Variants in DSP observed in about 807,000 individuals in gnomAD.
DSP encodes the protein desmoplakin.
Under a neutral mutation model 290.6 loss-of-function variants are expected in DSP, and 114 were observed. The ratio of observed to expected loss-of-function variants is 0.39; its 90% CI spans 0.34 to 0.46. The LOEUF is 0.46. Ranked by LOEUF, DSP falls within the 20% of genes least tolerant of loss-of-function variation. The pLI, the probability that DSP is intolerant of heterozygous loss-of-function variation, is 0.99. For synonymous variants in DSP, 1,311 were observed against 1,316.4 expected, an observed-to-expected ratio of 1.00 and a Z score of 0.09; for missense variants, 3,230 against 3,495.8, an observed-to-expected ratio of 0.92 and a Z score of 1.92.
intron 1 of DSP, among the ~76,000 whole-genome samples, chr6:7,549,689 A>G (rs941354093): frequency 2.6e-5 from 4 of 152,220 alleles, no homozygotes; most frequent in African/African-American, 9.6e-5. Flanking sequence ...ACCTGAAAAC[A>G]GAGAGACATA....
intron 23 of DSP, among the ~76,000 whole-genome samples, chr6:7,581,905 C>T (rs760317725): frequency 4.6e-5 from 7 of 152,124 alleles, no homozygotes; most frequent in African/African-American, 1.2e-4. Context: ...CTATGACATA[C>T]ATTTGTAATG....
In DSP at chr6:7,584,397, G is replaced by C; in HGVS notation, c.7135G>C (p.Asp2379His). Residue 2379 changes from aspartate to histidine, a missense_variant, in exon 24 of 24, where the codon GAC becomes CAC. Asp to His is a moderately conservative substitution (Grantham distance 81). Around this residue, in one of 5 missense-constraint regions of DSP, gnomAD observed 207 missense variants for 281.2 expected, o/e 0.74. Coordinates refer to ENST00000379802, the MANE Select transcript of DSP (RefSeq NM_004415.4). The surrounding 1 kb of genome is among the most constrained non-coding windows in gnomAD (Gnocchi z 6.4). ...ACAGATCGCAACCGGGGGGATCATT[G>C]ACCCAAAGGAGAGCCATCGTTTACC... is the stretch of plus-strand genomic sequence containing the variant. ...EAQIATGGII[D>H]PKESHRLPVD... The C allele has an allele frequency of 1.2e-6, 2 of 1,614,074 alleles. No individual in the cohort carries two copies. Among genetic ancestry groups the C allele is most frequent in the Non-Finnish European group, 1.7e-6 (2 of 1,179,972 alleles).
Position 7,567,575 on chromosome 6 carries a change from T to A in DSP, c.1140+126T>A, listed in dbSNP as rs1488260028. On this transcript the variant is annotated intron_variant, in intron 9 of 23. Coordinates refer to ENST00000379802, the MANE Select transcript of DSP (RefSeq NM_004415.4). ...ATAAATCCTCTTCATTGATTTTGAG[T>A]GCAGAGTAGCATAGATTTGCAACCT... 3.5e-6 allele frequency: 4 copies of A among 1,151,672 alleles called. No homozygotes were observed. In the Admixed American group the frequency reaches 5.7e-5, roughly 16 times the overall value. 71.3% of individuals were successfully genotyped at this position (1,151,672 alleles called of 1,614,324 possible).
intron 6 of DSP, 61 bp downstream of exon 6, chr6:7,563,847 A>T: frequency 6.8e-7 from 1 of 1,465,762 alleles, no homozygotes; most frequent in Admixed American, 1.7e-5. Flanking sequence ...AATTCAGTTC[A>T]AGAAATATCA....
In DSP at chr6:7,565,218, C is replaced by T; in HGVS notation, c.778-141C>T. ...TGGGTCTTTTCCCATACCAGGTGGTCAGTGAATGCACAAGGTTAACATTTT... is the reference window on the plus strand; with the variant it reads ...TGGGTCTTTTCCCATACCAGGTGGTTAGTGAATGCACAAGGTTAACATTTT... On this transcript the variant is annotated intron_variant, in intron 6 of 23. Coordinates refer to ENST00000379802, the MANE Select transcript of DSP (RefSeq NM_004415.4). This position sits in a 1 kb window ranked among gnomAD's most constrained non-coding sequence, Gnocchi z 4.2. 1.9e-6 allele frequency: 2 copies of T among 1,073,880 alleles called. No individual in the cohort carries two copies. Among genetic ancestry groups the T allele is most frequent in the African/African-American group, 1.6e-5 (1 of 63,444 alleles). 66.5% of individuals were successfully genotyped at this position (1,073,880 alleles called of 1,614,324 possible). A position where few individuals can be genotyped will look rare whatever the true frequency, so the allele number is the denominator to read the frequency against.
At chr6:7,552,977 T>C (rs1758388405) in intron 1 of DSP, among the ~76,000 whole-genome samples, 1 of 152,254 alleles carries the variant, frequency 6.6e-6, no homozygotes, top group African/African-American at 2.4e-5. Flanking sequence ...TTTAAAAATG[T>C]GTATGTACAC....
intron 15 of DSP, 113 bp downstream of exon 15, chr6:7,572,181 A>T: frequency 1.0e-6 from 1 of 965,350 alleles, no homozygotes; most frequent in Non-Finnish European, 1.6e-6. Context: ...AACTTTCAAG[A>T]AAACAGGCTT....
At chr6:7,578,400 A>G in intron 21 of DSP, 64 bp from the exon 22 acceptor site, 2 of 1,411,412 alleles carry the variant, frequency 1.4e-6, no homozygotes, top group African/African-American at 1.4e-5. Context: ...AAAATCGGTC[A>G]AATTACATAG....
rs369649373 is a variant in DSP, at chr6:7,580,302, A to G, written c.4112A>G (p.Asn1371Ser). 1.9e-6 allele frequency: 3 copies of G among 1,613,930 alleles called. No individual in the cohort carries two copies. Among genetic ancestry groups the G allele is most frequent in the Non-Finnish European group, 2.5e-6 (3 of 1,179,942 alleles). The change falls in exon 23 of 24, where the codon AAC becomes AGC. Residue 1371 changes from asparagine to serine, a missense_variant. By Grantham distance (46) the Asn-to-Ser change is conservative. Around this residue, in one of 5 missense-constraint regions of DSP, gnomAD observed 1,714 missense variants for 1,844.5 expected, o/e 0.93. Transcript: ENST00000379802. This position sits in a 1 kb window ranked among gnomAD's most constrained non-coding sequence, Gnocchi z 4.2. The stretch of plus-strand genomic sequence containing the variant: ...AAAAATCAGTTTGAGACCGAGATCA[A>G]CATCACCAAGACCACCATCCACCAG... ...SLKNQFETEI[N>S]ITKTTIHQLT... is the part of the protein sequence containing the mutation.
chr6:7,585,130 T>C lies in DSP; in HGVS notation c.7868T>C (p.Phe2623Ser). 6.2e-7 allele frequency: 1 copy of C among 1,614,162 alleles called. No individual in the cohort carries two copies. The highest frequency in any genetic ancestry group is 8.5e-7 in the Non-Finnish European group (1 of 1,180,036). ...LEESSPIAAI[F>S]DTENLEKISI... is the part of the protein sequence containing the mutation. The stretch of plus-strand genomic sequence containing the variant: ...GAATCGAGCCCCATTGCAGCCATCT[T>C]TGACACAGAAAACCTGGAGAAAATC... The change falls in exon 24 of 24, where the codon TTT (phenylalanine) becomes TCT (serine). Residue 2623 changes from phenylalanine to serine, a missense_variant. This residue lies in a region of DSP where 582 missense variants were observed against 555.4 expected (regional missense o/e 1.05). Coordinates refer to ENST00000379802, the MANE Select transcript of DSP (RefSeq NM_004415.4).
At chr6:7,564,543 G>C (rs1758800201) in intron 6 of DSP, among the ~76,000 whole-genome samples, 1 of 152,128 alleles carries the variant, frequency 6.6e-6, no homozygotes, top group Non-Finnish European at 1.5e-5. Context: ...CCCCCTTATA[G>C]TCCAAAACTA....
chr6:7,565,866 T>A lies in DSP; in HGVS notation c.939+346T>A, dbSNP rs916758709. ...GAAGGAGGGAGAGGATCAGGCAAGA[T>A]AACTAATGGGTACTAGGCTTAATCG... On this transcript the variant is annotated intron_variant, in intron 7 of 23. Transcript: ENST00000379802. The surrounding 1 kb of genome is among the most constrained non-coding windows in gnomAD (Gnocchi z 4.2). 7.7e-6 allele frequency: 3 copies of A among 389,652 alleles called. No homozygotes were observed. The highest frequency in any genetic ancestry group is 6.2e-5 in the African/African-American group (3 of 48,220). The allele number at this position is 389,652 out of a possible 1,614,324, so 24.1% of individuals were successfully genotyped here.
intron 14 of DSP, 102 bp downstream of exon 14, chr6:7,571,686 A>G (rs757436274): frequency 1.8e-5 from 28 of 1,517,768 alleles, no homozygotes; most frequent in Non-Finnish European, 2.6e-5. Context: ...TCTGAATGCT[A>G]TATAGCCAGT....
Position 7,585,195 on chromosome 6 carries a change from A to G in DSP, c.7933A>G (p.Ile2645Val). Residue 2645 changes from isoleucine (I) to valine (V), a missense_variant, in exon 24 of 24, where the codon ATC becomes GTC. By Grantham distance (29) the Ile-to-Val change is conservative (BLOSUM62 3). Coordinates refer to ENST00000379802, the MANE Select transcript of DSP (RefSeq NM_004415.4). Reference protein sequence around the residue: ...EGIERGIVDSITGQRLLEAQA... With the variant: ...EGIERGIVDSVTGQRLLEAQA... ...TATAGAGCGGGGCATCGTTGACAGC[A>G]TCACGGGTCAGAGGCTTCTGGAGGC... 1.9e-6 allele frequency: 3 copies of G among 1,614,198 alleles called. No individual in the cohort carries two copies. The highest frequency in any genetic ancestry group is 2.5e-6 in the Non-Finnish European group (3 of 1,180,042).
In DSP at chr6:7,565,299, C is replaced by T; in HGVS notation, c.778-60C>T. The T allele has an allele frequency of 1.3e-6, 2 of 1,595,132 alleles. No individual in the cohort carries two copies. Among genetic ancestry groups the T allele is most frequent in the Admixed American group, 1.7e-5 (1 of 59,980 alleles). ...ACCACAGGTTTAATCTTTAAACCTG[C>T]AGAGAACACCAGTCACTGCATATTG... is the stretch of plus-strand genomic sequence containing the variant. On this transcript the variant is annotated intron_variant, in intron 6 of 23. Transcript: ENST00000379802. This position sits in a 1 kb window ranked among gnomAD's most constrained non-coding sequence, Gnocchi z 4.2.
At chr6:7,578,413 C>CT (rs762327152) in intron 21 of DSP, 51 bp from the exon 22 acceptor site, 3,577 of 1,398,658 alleles carry the variant, frequency 2.6e-3, no homozygotes, top group Non-Finnish European at 3.1e-3. Flanking sequence ...TTACATAGGA[C>CT]TTTTTTTTTA....
intron 1 of DSP, among the ~76,000 whole-genome samples, chr6:7,550,296 C>T (rs575423376): frequency 6.6e-6 from 1 of 151,648 alleles, no homozygotes; most frequent in Admixed American, 6.6e-5. Flanking sequence ...TTCAAGCAAT[C>T]CGGCGGCCTC....
rs794728154 is a variant in DSP at position 7,581,291 on chromosome 6, A to G, written c.5101A>G (p.Ile1701Val). The G allele has an allele frequency of 6.2e-7, 1 of 1,614,168 alleles. No homozygotes were observed. The highest frequency in any genetic ancestry group is 8.5e-7 in the Non-Finnish European group (1 of 1,180,046). ...DKSRSLNESKIEIERLQSLTE... is the reference protein window; with the variant it reads ...DKSRSLNESKVEIERLQSLTE... ...AAGCAGAAGCTTAAATGAAAGCAAA[A>G]TAGAAATTGAGAGGCTGCAGTCTCT... is the stretch of plus-strand genomic sequence containing the variant. The change falls in exon 23 of 24, where the codon ATA (isoleucine) becomes GTA (valine). Residue 1701 changes from isoleucine (I) to valine (V), a missense_variant. By Grantham distance (29) the Ile-to-Val change is conservative (BLOSUM62 3). Around this residue, in one of 5 missense-constraint regions of DSP, gnomAD observed 1,714 missense variants for 1,844.5 expected, o/e 0.93. Transcript: ENST00000379802.
chr6:7,585,305 C>G lies in DSP; in HGVS notation c.8043C>G (p.Asp2681Glu). The change falls in exon 24 of 24, where the codon GAC becomes GAG. Residue 2681 changes from aspartate (D) to glutamate (E), a missense_variant. By Grantham distance (45) the Asp-to-Glu change is conservative. Around this residue, in one of 5 missense-constraint regions of DSP, gnomAD observed 582 missense variants for 555.4 expected, o/e 1.05. Transcript: ENST00000379802. ...ACGCAGTCTCCCAGGGTGTGATTGA[C>G]CAAGACATGGCCACCAGGCTGAAGC... ...LQDAVSQGVI[D>E]QDMATRLKPA... is the part of the protein sequence containing the mutation. The G allele has an allele frequency of 6.2e-7, 1 of 1,614,146 alleles. No homozygotes were observed. The highest frequency in any genetic ancestry group is 8.5e-7 in the Non-Finnish European group (1 of 1,180,044).
Sources: allele counts gnomAD v4.1 joint callset (sites outside exome capture counted in the v4.1 genomes callset), GRCh38; gene constraint gnomAD v4.1.1; regional missense constraint gnomAD v4.1.1; non-coding constraint Gnocchi (gnomAD v3.1); transcripts MANE v1.5; gene names NCBI Gene and HGNC (gene_info 2026-07-23, HGNC 2026-07-21).